APOBEC1: variants seen among roughly 807,000 people sequenced by gnomAD.
The protein encoded by APOBEC1 is apolipoprotein B mRNA editing enzyme catalytic subunit 1.
A neutral mutation model predicts 26.3 loss-of-function variants in APOBEC1; 22 were observed. The ratio of observed to expected loss-of-function variants is 0.84; its 90% CI spans 0.60 to 1.19. The LOEUF (loss-of-function observed/expected upper bound fraction) is 1.19. Among genes scored for constraint, APOBEC1 ranks in the 50% most tolerant of loss-of-function variants. The pLI is 0.00. For missense variants in APOBEC1, 253 were observed against 289.0 expected, an observed-to-expected ratio of 0.88 and a Z score of 0.90; for synonymous variants, 77 against 95.3, an observed-to-expected ratio of 0.81 and a Z score of 1.12.
upstream of APOBEC1, among the ~76,000 whole-genome samples, chr12:7,667,466 T>C (rs1358684690): frequency 2.0e-5 from 3 of 152,136 alleles, no homozygotes; most frequent in Non-Finnish European, 4.4e-5. Context: ...TACTTAGTTA[T>C]GAAAGTCAAC....
upstream of APOBEC1, chr12:7,665,950 G>T: frequency 1.3e-6 from 2 of 1,494,608 alleles, no homozygotes; most frequent in Non-Finnish European, 1.9e-6. Flanking sequence ...CTTCAGGTGT[G>T]CCCACTGCCA....
intron 1 of APOBEC1, among the ~76,000 whole-genome samples, chr12:7,662,614 G>A (rs1863835651): frequency 6.6e-6 from 1 of 152,106 alleles, no homozygotes; most frequent in South Asian, 2.1e-4. Context: ...AAAAGTACTG[G>A]AAGGAGACAA....
chr12:7,651,720 G>A (rs1863644135), intron 3 of APOBEC1, among the ~76,000 whole-genome samples: 1 of 152,016 alleles, frequency 6.6e-6, no homozygotes, highest in Non-Finnish European at 1.5e-5. Context: ...ATAGCTCACT[G>A]CAGCCTTGAA....
intron 1 of APOBEC1, among the ~76,000 whole-genome samples, chr12:7,660,375 G>GGACA (rs1863794824): frequency 1.7e-3 from 41 of 23,964 alleles, no homozygotes; most frequent in African/African-American, 3.5e-3. Flanking sequence ...AAGGAAGGAA[G>GGACA]GAAAGAAAGA....
At position 7,652,545 on chromosome 12, in the gene APOBEC1, A is replaced by G; in HGVS notation, c.335T>C (p.Leu112Pro). ...AAAAAGCCGAGCTACGTAGATCACT[A>G]GAGTCACACCAGGGTGCCGACTCAG... Reference protein sequence around the residue: ...EFLSRHPGVTLVIYVARLFWH... With the variant: ...EFLSRHPGVTPVIYVARLFWH... Residue 112 changes from leucine (L) to proline (P), a missense_variant, in exon 3 of 5, where the codon CTA (leucine) becomes CCA (proline). By Grantham distance (98) the Leu-to-Pro change is moderately conservative (BLOSUM62 -3). Coordinates refer to ENST00000229304, the MANE Select transcript of APOBEC1 (RefSeq NM_001644.5). The G allele has an allele frequency of 1.2e-6, 2 of 1,614,256 alleles. No homozygotes were observed. Among genetic ancestry groups the G allele is most frequent in the East Asian group, 2.2e-5 (1 of 44,890 alleles).
chr12:7,669,605 T>C (rs764004639), upstream of APOBEC1, among the ~76,000 whole-genome samples: 2 of 152,294 alleles, frequency 1.3e-5, no homozygotes, highest in South Asian at 4.1e-4. Context: ...AGGGTCTCAC[T>C]ATATTGCCCA....
At chr12:7,667,667 C>A (rs1565444618), upstream of APOBEC1, among the ~76,000 whole-genome samples, 1 of 152,098 alleles carries the variant, frequency 6.6e-6, no homozygotes, top group Non-Finnish European at 1.5e-5. Flanking sequence ...GTAATCCCAG[C>A]ACTATGAGAG....
intron 3 of APOBEC1, 146 bp downstream of exon 3, chr12:7,652,292 A>C (rs1180894541): frequency 5.8e-6 from 4 of 694,608 alleles, no homozygotes; most frequent in African/African-American, 3.6e-5. Flanking sequence ...CTTGTCATGA[A>C]TTTCAGACCT....
intron 3 of APOBEC1, among the ~76,000 whole-genome samples, chr12:7,651,385 G>T (rs774687992): frequency 3.3e-5 from 5 of 152,080 alleles, no homozygotes; most frequent in Admixed American, 1.3e-4. Context: ...GGAGGCCGAG[G>T]GGGGTGGATC....
upstream of APOBEC1, among the ~76,000 whole-genome samples, chr12:7,670,581 C>T (rs545562276): frequency 1.7e-3 from 240 of 138,734 alleles, 33 homozygotes; most frequent in Non-Finnish European, 2.7e-3. Context: ...ATGGAGAAAC[C>T]CCACCTCTAC....
At chr12:7,658,530 C>T (rs1422635033) in intron 1 of APOBEC1, among the ~76,000 whole-genome samples, 1 of 152,156 alleles carries the variant, frequency 6.6e-6, no homozygotes, top group African/African-American at 2.4e-5. Flanking sequence ...AGAGGTGTCA[C>T]AGTGCCAGAT....
chr12:7,663,046 T>C (rs1863842660), intron 1 of APOBEC1, among the ~76,000 whole-genome samples: 2 of 152,200 alleles, frequency 1.3e-5, no homozygotes, highest in Middle Eastern at 3.4e-3. Flanking sequence ...GGCAATAAAA[T>C]GGGCGCTGAC....
intron 3 of APOBEC1, among the ~76,000 whole-genome samples, 184 bp from the exon 4 acceptor site, chr12:7,651,325 A>C (rs960871217): frequency 1.3e-5 from 2 of 151,500 alleles, no homozygotes; most frequent in African/African-American, 4.9e-5. Flanking sequence ...ACTAGAGAAA[A>C]GAGTTGTTGG....
intron 1 of APOBEC1, among the ~76,000 whole-genome samples, 176 bp downstream of exon 1, chr12:7,665,681 C>A (rs1042625909): frequency 6.7e-6 from 1 of 149,618 alleles, no homozygotes; most frequent in Admixed American, 6.8e-5. Flanking sequence ...AATAAACCAT[C>A]TTATTTAAGA....
intron 3 of APOBEC1, 120 bp from the exon 4 acceptor site, chr12:7,651,261 T>A: frequency 1.5e-6 from 1 of 687,932 alleles, no homozygotes; most frequent in South Asian, 1.8e-5. Flanking sequence ...CTGCTGGACA[T>A]TAGACCCCCT....
chr12:7,659,322 A>AAATATATATATATAT (rs1555094633), intron 1 of APOBEC1, among the ~76,000 whole-genome samples: 1 of 46,278 alleles, frequency 2.2e-5, no homozygotes, highest in African/African-American at 1.3e-4. Flanking sequence ...AAAAAAAAAA[A>AAATATATATATATAT]ATATATATAT....
chr12:7,653,489 C>CTT (rs57508175), intron 2 of APOBEC1, among the ~76,000 whole-genome samples: 1 of 116,202 alleles, frequency 8.6e-6, no homozygotes, highest in African/African-American at 3.2e-5. Flanking sequence ...TATTCTAACC[C>CTT]TTTTTTTTTT....
At chr12:7,654,930 C>A (rs759419040) in intron 1 of APOBEC1, among the ~76,000 whole-genome samples, 1 of 152,172 alleles carries the variant, frequency 6.6e-6, no homozygotes, top group African/African-American at 2.4e-5. Context: ...TCTTAGAGGC[C>A]GGGTGCGGTG....
chr12:7,667,066 C>A (rs953919899), upstream of APOBEC1, among the ~76,000 whole-genome samples: 1 of 151,932 alleles, frequency 6.6e-6, no homozygotes, highest in African/African-American at 2.4e-5. Context: ...CACCCACCAC[C>A]ACACCAGGCT....
Sources: gnomAD v4.1 joint callset for allele counts (sites outside exome capture counted in the v4.1 genomes callset) on GRCh38, gnomAD v4.1.1 for gene constraint, MANE v1.5 for transcripts, NCBI Gene and HGNC (gene_info 2026-07-23, HGNC 2026-07-21) for gene names.